RBMS3: variants seen among roughly 807,000 people sequenced by gnomAD.
RBMS3 encodes RNA binding motif single stranded interacting protein 3.
In RBMS3, 27 loss-of-function variants were observed where a neutral mutation model predicts 66.8. That is an observed-to-expected ratio of 0.40 (90% CI 0.30 to 0.56). The LOEUF (loss-of-function observed/expected upper bound fraction) is 0.56. RBMS3 is among the 20% of genes least tolerant of loss of function. The pLI is 0.40. For synonymous variants in RBMS3, 188 were observed against 183.0 expected, an observed-to-expected ratio of 1.03 and a Z score of -0.22; for missense variants, 513 against 549.5, an observed-to-expected ratio of 0.93 and a Z score of 0.66.
At chr3:29,973,724 T>A (rs996830271) in intron 12 of RBMS3, among the ~76,000 whole-genome samples, 4 of 152,002 alleles carry the variant, frequency 2.6e-5, no homozygotes, top group African/African-American at 9.7e-5. Flanking sequence ...AATTTATCTT[T>A]AGCAATTACT....
intron 3 of RBMS3, among the ~76,000 whole-genome samples, chr3:29,551,027 C>T (rs961626486): frequency 1.3e-5 from 2 of 152,120 alleles, no homozygotes; most frequent in South Asian, 4.1e-4. Flanking sequence ...GATTACTTGG[C>T]AGTAGAGAGG....
intron 2 of RBMS3, among the ~76,000 whole-genome samples, chr3:29,462,251 T>C (rs902745985): frequency 5.9e-5 from 9 of 152,214 alleles, no homozygotes; most frequent in African/African-American, 1.9e-4. Flanking sequence ...AGACCCTTTG[T>C]CAATGTCGTT....
chr3:29,384,231 T>C (rs2038900246), intron 1 of RBMS3, among the ~76,000 whole-genome samples: 1 of 151,876 alleles, frequency 6.6e-6, no homozygotes, highest in Non-Finnish European at 1.5e-5. Context: ...TGGGAAGATC[T>C]CTTGAACCCG....
intron 7 of RBMS3, among the ~76,000 whole-genome samples, chr3:29,872,173 C>T (rs1447498335): frequency 6.6e-6 from 1 of 152,012 alleles, no homozygotes; most frequent in Non-Finnish European, 1.5e-5. Context: ...AACTCTTGGT[C>T]TCTGGATCCC....
At chr3:29,668,842 AAT>A (rs1335957369) in intron 4 of RBMS3, among the ~76,000 whole-genome samples, 2 of 152,230 alleles carry the variant, frequency 1.3e-5, no homozygotes, top group African/African-American at 4.8e-5. Context: ...TTTGAAAGAA[AAT>A]CTGAGGAATA....
At chr3:29,444,440 A>G (rs1197868190) in intron 2 of RBMS3, among the ~76,000 whole-genome samples, 8 of 152,100 alleles carry the variant, frequency 5.3e-5, no homozygotes, top group Non-Finnish European at 4.4e-5. Context: ...AATAAAAGAA[A>G]ATGTTCACAC....
rs191464812 is a variant in RBMS3, at chr3:29,492,275, A to G, written c.307+3776A>G. Among the ~76,000 whole-genome samples, 576 of 152,138 alleles carry G rather than the reference A, an allele frequency of 3.8e-3. 3 individuals are homozygous for G. The highest frequency in any genetic ancestry group is 0.013 in the African/African-American group (544 of 41,542). ...TACTATTTTAATGATATGCCGATGT[A>G]TATTAGAGTATTTTCCTTTCAAAAA... On this transcript the variant is annotated intron_variant, in intron 3 of 14. Coordinates refer to ENST00000383767, the MANE Select transcript of RBMS3 (RefSeq NM_001003793.3).
At chr3:29,688,609 A>G (rs2149269877) in intron 4 of RBMS3, among the ~76,000 whole-genome samples, 4 of 81,786 alleles carry the variant, frequency 4.9e-5, no homozygotes, top group South Asian at 4.3e-4. Flanking sequence ...TTTGAGATGG[A>G]GTCTTGCTCT....
In RBMS3 at chr3:29,490,137, A is replaced by T. The variant is rs142035626; in HGVS notation, c.307+1638A>T. Among the ~76,000 whole-genome samples, 557 of 151,128 alleles carry T rather than the reference A, an allele frequency of 3.7e-3. 5 individuals carry two copies. Among genetic ancestry groups the T allele is most frequent in the African/African-American group, 0.012 (510 of 41,216 alleles). On this transcript the variant is annotated intron_variant, in intron 3 of 14. Transcript: ENST00000383767. ...TTTTAAATGATATCCTGGATATTTTAAATTTAAAATTTAATTTAAAATTAA... is the reference window on the plus strand; with the variant it reads ...TTTTAAATGATATCCTGGATATTTTTAATTTAAAATTTAATTTAAAATTAA...
intron 6 of RBMS3, among the ~76,000 whole-genome samples, chr3:29,855,897 A>T (rs2059062244): frequency 6.6e-6 from 1 of 152,290 alleles, no homozygotes; most frequent in African/African-American, 2.4e-5. Context: ...GAACTACATT[A>T]TACTTGGGGG....
At chr3:29,297,254 G>A (rs1011285063) in intron 1 of RBMS3, among the ~76,000 whole-genome samples, 12 of 151,752 alleles carry the variant, frequency 7.9e-5, no homozygotes, top group African/African-American at 2.2e-4. Context: ...ATCAATATTA[G>A]ACTAATAGTA....
intron 8 of RBMS3, among the ~76,000 whole-genome samples, chr3:29,896,668 A>G (rs1276246427): frequency 1.3e-5 from 2 of 151,548 alleles, no homozygotes; most frequent in African/African-American, 2.4e-5. Context: ...TCCAGAAGCT[A>G]CCCTTTAATA....
At chr3:29,338,227 TATAAA>T (rs2036066948) in intron 1 of RBMS3, among the ~76,000 whole-genome samples, 1 of 152,190 alleles carries the variant, frequency 6.6e-6, no homozygotes, top group Admixed American at 6.6e-5. Context: ...ATATGCCAGT[TATAAA>T]GTATCAATTC....
At chr3:29,452,924 T>G (rs1045169287) in intron 2 of RBMS3, among the ~76,000 whole-genome samples, 2 of 152,224 alleles carry the variant, frequency 1.3e-5, no homozygotes, top group Admixed American at 6.5e-5. Context: ...TATACATTTT[T>G]CAGGGTCAAG....
chr3:29,619,288 A>G (rs1222036384), intron 4 of RBMS3, among the ~76,000 whole-genome samples: 1 of 151,814 alleles, frequency 6.6e-6, no homozygotes, highest in African/African-American at 2.4e-5. Flanking sequence ...AAAAAAATGA[A>G]TAAAGAAAAC....
chr3:29,796,030 G>T (rs1043522076), intron 6 of RBMS3, among the ~76,000 whole-genome samples: 6 of 152,132 alleles, frequency 3.9e-5, no homozygotes, highest in African/African-American at 1.4e-4. Context: ...ATACCTCAGA[G>T]GTATTGTGGG....
intron 4 of RBMS3, among the ~76,000 whole-genome samples, chr3:29,621,877 C>G (rs1305790705): frequency 6.6e-6 from 1 of 152,146 alleles, no homozygotes; most frequent in Non-Finnish European, 1.5e-5. Flanking sequence ...GGAATTAGCT[C>G]CAATCTTCAA....
intron 4 of RBMS3, among the ~76,000 whole-genome samples, chr3:29,700,609 G>A (rs754292276): frequency 1.3e-5 from 2 of 151,810 alleles, no homozygotes; most frequent in Non-Finnish European, 2.9e-5. Flanking sequence ...AACATGTATG[G>A]TAAGTACTAT....
chr3:29,973,642 A>G (rs1290128038), intron 12 of RBMS3, among the ~76,000 whole-genome samples: 1 of 151,938 alleles, frequency 6.6e-6, no homozygotes, highest in Non-Finnish European at 1.5e-5. Context: ...TTGGAATTTA[A>G]CAAAACAACA....
Sources: allele counts gnomAD v4.1 joint callset (sites outside exome capture counted in the v4.1 genomes callset), GRCh38; gene constraint gnomAD v4.1.1; transcripts MANE v1.5; gene names NCBI Gene and HGNC (gene_info 2026-07-23, HGNC 2026-07-21).